Variants in FRMD5 observed in about 807,000 individuals in gnomAD.
The protein encoded by FRMD5 is FERM domain containing 5.
FRMD5 carries 20 observed loss-of-function variants against 69.0 expected under a neutral mutation model. The observed-to-expected ratio is 0.29, with a 90% CI of 0.20 to 0.42. The LOEUF (loss-of-function observed/expected upper bound fraction) is 0.42. Ranked by LOEUF, FRMD5 falls within the 10% of genes least tolerant of loss-of-function variation. FRMD5 has a pLI of 1.00. For missense variants in FRMD5, 595 were observed against 708.6 expected, an observed-to-expected ratio of 0.84 and a Z score of 1.82; for synonymous variants, 271 against 260.1, an observed-to-expected ratio of 1.04 and a Z score of -0.40.
chr15:44,170,764 A>C (rs2077788405), intron 1 of FRMD5, among the ~76,000 whole-genome samples: 1 of 151,928 alleles, frequency 6.6e-6, no homozygotes, highest in Non-Finnish European at 1.5e-5. Context: ...TTTGTCTGCT[A>C]CTCCACAAGG....
chr15:44,097,638 C>T (rs1279347594), intron 1 of FRMD5, among the ~76,000 whole-genome samples: 4 of 152,144 alleles, frequency 2.6e-5, no homozygotes, highest in African/African-American at 4.8e-5. Context: ...CACACAGAAC[C>T]GTCTATCTGT....
rs111479532 is a variant in FRMD5, at chr15:44,161,778, C to T, written c.102+33175G>A. ...GTTCCAAAACAGCCCCTTACTATAC[C>T]GTATCTTCCTCTCCTTCCACAAACT... is the stretch of plus-strand genomic sequence containing the variant. On this transcript the variant is annotated intron_variant, in intron 1 of 13. Transcript: ENST00000417257. 4.0e-3 allele frequency among the ~76,000 whole-genome samples: 610 copies of T among 152,204 alleles called. 5 individuals are homozygous for T. The highest frequency in any genetic ancestry group is 0.014 in the African/African-American group (567 of 41,534).
chr15:44,117,843 G>C (rs2076891433), intron 1 of FRMD5, among the ~76,000 whole-genome samples: 1 of 152,068 alleles, frequency 6.6e-6, no homozygotes, highest in African/African-American at 2.4e-5. Context: ...AAATTAAAAG[G>C]AATTTCTAAA....
At position 43,883,793 on chromosome 15, in the gene FRMD5, TG is replaced by T. The variant is rs1159188546; in HGVS notation, c.1044del (p.Ser349AlafsTer7). 1 of 1,613,926 alleles carries T rather than the reference TG, an allele frequency of 6.2e-7. No individual in the cohort carries two copies. The highest frequency in any genetic ancestry group is 8.5e-7 in the Non-Finnish European group (1 of 1,179,776). On this transcript the variant is annotated frameshift_variant, in exon 13 of 14. Coordinates refer to ENST00000417257, the MANE Select transcript of FRMD5 (RefSeq NM_032892.5). LOFTEE classifies it high-confidence loss of function. ...TGGGTTATGGAGGGACAGCTCCGGC[TG>T]GGAACCATCCCTGCTCTGAGGTTAA... ...PPEIHRAGMV[P>X]SRSCPSITHG...
rs915808887 is a variant in FRMD5, at chr15:43,874,013, T to G, written c.1585A>C (p.Ile529Leu). The G allele has an allele frequency of 6.2e-7, 1 of 1,614,062 alleles. No homozygotes were observed. Among genetic ancestry groups the G allele is most frequent in the Non-Finnish European group, 8.5e-7 (1 of 1,180,008 alleles). The change falls in exon 14 of 14, where the codon ATT (isoleucine) becomes CTT (leucine). Residue 529 changes from isoleucine (I) to leucine (L), a missense_variant. Physicochemically the swap from Ile to Leu is conservative, Grantham distance 5. Transcript: ENST00000417257. ...TGGCGGATATCACGGAAAAAGGCAATGTCAAGGTCAGACTCGGTAAGGATG... is the reference window on the plus strand; with the variant it reads ...TGGCGGATATCACGGAAAAAGGCAAGGTCAAGGTCAGACTCGGTAAGGATG... ...LIILTESDLD[I>L]AFFRDIRQTP...
chr15:44,002,562 T>G (rs1379479668), intron 1 of FRMD5, among the ~76,000 whole-genome samples: 1 of 151,950 alleles, frequency 6.6e-6, no homozygotes, highest in South Asian at 2.1e-4. Flanking sequence ...CTTACAACTC[T>G]AAGGGGGTCC....
intron 1 of FRMD5, among the ~76,000 whole-genome samples, chr15:44,132,104 C>T (rs1595501113): frequency 6.6e-6 from 1 of 152,152 alleles, no homozygotes; most frequent in East Asian, 1.9e-4. Context: ...AAGGAGTGCG[C>T]AGCCTAGATC....
chr15:43,907,665 G>T lies in FRMD5; in HGVS notation c.428-1714C>A, dbSNP rs138056757. ...TGGGACTACAGGCATGTGCCACCAC[G>T]CCCAGCTAATTTTTGTATTTTTAGG... On this transcript the variant is annotated intron_variant, in intron 5 of 13. Coordinates refer to ENST00000417257, the MANE Select transcript of FRMD5 (RefSeq NM_032892.5). Among the ~76,000 whole-genome samples the T allele has an allele frequency of 4.4e-3, 666 of 152,074 alleles. 4 individuals are homozygous for T. Among genetic ancestry groups the T allele is most frequent in the African/African-American group, 0.015 (627 of 41,480 alleles).
intron 1 of FRMD5, among the ~76,000 whole-genome samples, chr15:44,101,062 T>C (rs1595463637): frequency 6.8e-6 from 1 of 147,948 alleles, no homozygotes; most frequent in African/African-American, 2.5e-5. Context: ...CGCAGGAGAA[T>C]CCCTTGAACT....
chr15:44,192,121 A>G (rs2078207480), intron 1 of FRMD5, among the ~76,000 whole-genome samples: 1 of 152,010 alleles, frequency 6.6e-6, no homozygotes, highest in African/African-American at 2.4e-5. Flanking sequence ...ATACATTTGC[A>G]TATCAGAAAG....
chr15:43,992,214 G>T (rs1464305900), intron 1 of FRMD5, among the ~76,000 whole-genome samples: 1 of 151,964 alleles, frequency 6.6e-6, no homozygotes, highest in African/African-American at 2.4e-5. Flanking sequence ...GTTTGTTTTT[G>T]TTTTGTTTTA....
intron 1 of FRMD5, among the ~76,000 whole-genome samples, chr15:43,943,114 A>T (rs2089888852): frequency 6.6e-6 from 1 of 152,100 alleles, no homozygotes; most frequent in South Asian, 2.1e-4. Context: ...GGTGGCGCAC[A>T]CCTGTAATCC....
intron 1 of FRMD5, among the ~76,000 whole-genome samples, chr15:44,023,422 T>C (rs1891297910): frequency 6.6e-6 from 1 of 152,192 alleles, no homozygotes; most frequent in African/African-American, 2.4e-5. Flanking sequence ...GCCAAGGGGC[T>C]GTGGACAGAA....
chr15:44,100,420 T>C (rs995235348), intron 1 of FRMD5, among the ~76,000 whole-genome samples: 1 of 152,060 alleles, frequency 6.6e-6, no homozygotes, highest in Non-Finnish European at 1.5e-5. Context: ...TAGCAGCAAA[T>C]GGAATCCACA....
intron 1 of FRMD5, among the ~76,000 whole-genome samples, chr15:43,940,439 A>G (rs2140486221): frequency 6.6e-6 from 1 of 152,324 alleles, no homozygotes; most frequent in Admixed American, 6.5e-5. Flanking sequence ...AGGGGAGATT[A>G]TCTCCCAAAT....
chr15:44,158,130 T>C (rs1308811455), intron 1 of FRMD5, among the ~76,000 whole-genome samples: 4 of 152,190 alleles, frequency 2.6e-5, no homozygotes, highest in African/African-American at 9.7e-5. Flanking sequence ...TATCTAATTT[T>C]AATTCTAGGA....
rs540351546 is a variant in FRMD5 at position 43,971,855 on chromosome 15, C to T, written c.103-47546G>A. Among the ~76,000 whole-genome samples, 889 of 148,664 alleles carry T rather than the reference C, an allele frequency of 6.0e-3. 12 individuals carry two copies. Among genetic ancestry groups the T allele is most frequent in the African/African-American group, 0.021 (843 of 40,976 alleles). ...CCGAGTAGCTGGGATTACAGGCGCCCGCCACCACGCCTGGCTAATTTTTTG... is the reference window on the plus strand; with the variant it reads ...CCGAGTAGCTGGGATTACAGGCGCCTGCCACCACGCCTGGCTAATTTTTTG... On this transcript the variant is annotated intron_variant, in intron 1 of 13. Coordinates refer to ENST00000417257, the MANE Select transcript of FRMD5 (RefSeq NM_032892.5).
intron 1 of FRMD5, among the ~76,000 whole-genome samples, chr15:44,050,213 C>A (rs1892596740): frequency 6.6e-6 from 1 of 152,116 alleles, no homozygotes; most frequent in African/African-American, 2.4e-5. Flanking sequence ...TAAATGATTT[C>A]TTCTCATCTT....
chr15:44,005,363 C>T (rs1358938193), intron 1 of FRMD5, among the ~76,000 whole-genome samples: 1 of 149,912 alleles, frequency 6.7e-6, no homozygotes, highest in Middle Eastern at 3.3e-3. Flanking sequence ...CCCAGCTACT[C>T]GGGATGCTGA....
Sources: gnomAD v4.1 joint callset for allele counts (sites outside exome capture counted in the v4.1 genomes callset) on GRCh38, gnomAD v4.1.1 for gene constraint, MANE v1.5 for transcripts, NCBI Gene and HGNC (gene_info 2026-07-23, HGNC 2026-07-21) for gene names.